RIMBP2: variants seen among roughly 807,000 people sequenced by gnomAD.
The protein encoded by RIMBP2 is RIMS-binding protein 2.
A neutral mutation model predicts 118.6 loss-of-function variants in RIMBP2; 48 were observed. The ratio of observed to expected loss-of-function variants is 0.40; its 90% confidence interval spans 0.32 to 0.51. RIMBP2 has a LOEUF of 0.51. Among genes scored for constraint, RIMBP2 ranks in the 20% least tolerant of loss-of-function variants. RIMBP2 has a pLI of 0.41. For missense variants in RIMBP2, 1,551 were observed against 1,768.3 expected (o/e 0.88, Z 2.20); for synonymous variants, 762 against 742.9 (o/e 1.03, Z -0.42).
intron 2 of RIMBP2, among the ~76,000 whole-genome samples, chr12:130,585,674 GT>G (rs1458211967): frequency 1.3e-5 from 2 of 151,890 alleles, no homozygotes; most frequent in South Asian, 2.1e-4. Flanking sequence ...TGAGAATCTG[GT>G]TTTCTAACAT....
chr12:130,701,491 CAG>C (rs933873581), intron 1 of RIMBP2, among the ~76,000 whole-genome samples: 6 of 152,178 alleles, frequency 3.9e-5, no homozygotes, highest in Non-Finnish European at 8.8e-5. Flanking sequence ...ATATCACACT[CAG>C]GGGCGGAGAG....
intron 1 of RIMBP2, among the ~76,000 whole-genome samples, chr12:130,713,989 C>T (rs914787751): frequency 2.6e-5 from 4 of 152,202 alleles, no homozygotes; most frequent in African/African-American, 9.6e-5. Context: ...AATGCGGATT[C>T]CCGGCTCCTC....
intron 1 of RIMBP2, among the ~76,000 whole-genome samples, chr12:130,692,838 G>T: frequency 6.7e-6 from 1 of 149,360 alleles, no homozygotes; most frequent in Non-Finnish European, 1.5e-5. Flanking sequence ...GGATGGGATG[G>T]GATGGGATGG....
At chr12:130,606,772 T>C (rs1266432044) in intron 2 of RIMBP2, among the ~76,000 whole-genome samples, 1 of 152,102 alleles carries the variant, frequency 6.6e-6, no homozygotes, top group African/African-American at 2.4e-5. Flanking sequence ...GGCTTTTGCT[T>C]GAAGTCAAAA....
chr12:130,585,033 C>T (rs1311239286), intron 2 of RIMBP2, among the ~76,000 whole-genome samples: 4 of 152,112 alleles, frequency 2.6e-5, no homozygotes, highest in African/African-American at 9.7e-5. Context: ...GACAGATGTA[C>T]ACCACCATGC....
At chr12:130,480,672 C>T (rs1474244249) in intron 4 of RIMBP2, among the ~76,000 whole-genome samples, 3 of 152,014 alleles carry the variant, frequency 2.0e-5, no homozygotes, top group South Asian at 2.1e-4. Flanking sequence ...AGGATCTTGG[C>T]TCACTGCAGC....
intron 5 of RIMBP2, among the ~76,000 whole-genome samples, chr12:130,476,104 G>A (rs1341593563): frequency 6.6e-6 from 1 of 152,062 alleles, no homozygotes. Context: ...TGTGTAGAGG[G>A]GCTGGTGTGG....
chr12:130,570,453 A>G (rs1432369113), intron 2 of RIMBP2, among the ~76,000 whole-genome samples: 2 of 152,160 alleles, frequency 1.3e-5, no homozygotes, highest in East Asian at 3.9e-4. Context: ...AAAAACCCTG[A>G]AATTTTAAGC....
At chr12:130,674,419 G>A (rs886889486) in intron 1 of RIMBP2, among the ~76,000 whole-genome samples, 5 of 152,134 alleles carry the variant, frequency 3.3e-5, no homozygotes, top group African/African-American at 1.2e-4. Flanking sequence ...GAGGGGATGA[G>A]GACGTAGTTG....
chr12:130,587,096 C>A (rs2058938981), intron 2 of RIMBP2, among the ~76,000 whole-genome samples: 1 of 146,478 alleles, frequency 6.8e-6, no homozygotes. Context: ...CATCACTGGC[C>A]ATCAGAGAAA....
chr12:130,484,756 G>T (rs574266998), intron 4 of RIMBP2, among the ~76,000 whole-genome samples: 10 of 152,334 alleles, frequency 6.6e-5, no homozygotes, highest in Middle Eastern at 3.4e-3. Context: ...GAAGGTTGGG[G>T]GAAAAGTGCT....
chr12:130,641,918 G>A (rs1347914924), intron 1 of RIMBP2, among the ~76,000 whole-genome samples: 2 of 152,084 alleles, frequency 1.3e-5, no homozygotes, highest in South Asian at 2.1e-4. Flanking sequence ...AGTGCTGTAC[G>A]TCATTAATCC....
rs151324442 is a variant in RIMBP2, at chr12:130,457,260, ACT to A, written c.154-562_154-561del. ...AAGAGCACCACTTGGAGCAATAAGG[ACT>A]CTCTATCTGCTATGTTCAGTTAGCA... On this transcript the variant is annotated intron_variant, in intron 6 of 22. Transcript: ENST00000690449. Among the ~76,000 whole-genome samples the A allele has an allele frequency of 4.5e-3, 687 of 152,154 alleles. 5 individuals carry two copies. Among genetic ancestry groups the A allele is most frequent in the African/African-American group, 0.016 (645 of 41,518 alleles).
chr12:130,480,198 T>TACACACAC lies in RIMBP2; in HGVS notation c.-3-1190_-3-1183dup, dbSNP rs10580090. ...AGAATTTCATTGTCATTTCCTTTCA[T>TACACACAC]ACACACACACACACACACACACACA... On this transcript the variant is annotated intron_variant, in intron 4 of 22. Transcript: ENST00000690449. Among the ~76,000 whole-genome samples, 604 of 128,164 alleles carry TACACACAC rather than the reference T, an allele frequency of 4.7e-3. 6 individuals are homozygous for TACACACAC. Among genetic ancestry groups the TACACACAC allele is most frequent in the African/African-American group, 0.02 (577 of 28,762 alleles). The allele number at this position is 128,164 out of a possible 152,430, so 84.1% of individuals were successfully genotyped here. A position where few individuals can be genotyped will look rare whatever the true frequency, so the allele number is the denominator to read the frequency against.
chr12:130,482,269 T>A (rs2082078686), intron 4 of RIMBP2, among the ~76,000 whole-genome samples: 1 of 152,252 alleles, frequency 6.6e-6, no homozygotes, highest in South Asian at 2.1e-4. Context: ...ACTCCATTTA[T>A]TCATTCATTG....
At chr12:130,596,893 T>C (rs2059593657) in intron 2 of RIMBP2, among the ~76,000 whole-genome samples, 1 of 152,250 alleles carries the variant, frequency 6.6e-6, no homozygotes, top group Admixed American at 6.5e-5. Context: ...AAGAGTCCAT[T>C]CAAGAAGAAA....
In RIMBP2 at chr12:130,442,515, C is replaced by T. The variant is rs577925390; in HGVS notation, c.837G>A (p.Glu279=). The part of the protein sequence containing the change: ...INHSGIGLEG[E]HILDLHSPTH... Reference sequence around the variant, plus strand: ...TTGGGGAGTGGAGGTCCAGGATGTGCTCTCCCTCCAGGCCGATGCCGGAAT... The same window carrying T: ...TTGGGGAGTGGAGGTCCAGGATGTGTTCTCCCTCCAGGCCGATGCCGGAAT... Residue 279 remains glutamate (E), a synonymous_variant, in exon 11 of 23, where the codon GAG becomes GAA. Coordinates refer to ENST00000690449, the MANE Select transcript of RIMBP2 (RefSeq NM_001393629.1). This position sits in a 1 kb window ranked among gnomAD's most constrained non-coding sequence, Gnocchi z 6.9. 9 of 1,614,126 alleles carry T rather than the reference C, an allele frequency of 5.6e-6. No homozygotes were observed. Among genetic ancestry groups the T allele is most frequent in the Non-Finnish European group, 7.6e-6 (9 of 1,180,018 alleles).
At chr12:130,636,724 T>C (rs931662083) in intron 1 of RIMBP2, among the ~76,000 whole-genome samples, 1 of 151,982 alleles carries the variant, frequency 6.6e-6, no homozygotes, top group African/African-American at 2.4e-5. Context: ...AGAGTTTGGG[T>C]GTGGAGTCAG....
chr12:130,610,552 T>TTTTTA (rs1566362091), intron 2 of RIMBP2, among the ~76,000 whole-genome samples: 2 of 25,756 alleles, frequency 7.8e-5, no homozygotes, highest in Non-Finnish European at 1.3e-4. Context: ...ATTTTCCTGC[T>TTTTTA]TTTTTTTTTT....
Sources: allele counts gnomAD v4.1 joint callset (sites outside exome capture counted in the v4.1 genomes callset), GRCh38; gene constraint gnomAD v4.1.1; non-coding constraint Gnocchi (gnomAD v3.1); transcripts MANE v1.5; gene names NCBI Gene and HGNC (gene_info 2026-07-23, HGNC 2026-07-21).